FARSB: variants seen among roughly 807,000 people sequenced by gnomAD.
FARSB encodes phenylalanyl-tRNA synthetase subunit beta, also known as phenylalanine--tRNA ligase beta subunit.
In FARSB, 40 loss-of-function variants were observed where a neutral mutation model predicts 69.6. The ratio of observed to expected loss-of-function variants is 0.57; its 90% CI spans 0.45 to 0.75. The LOEUF (loss-of-function observed/expected upper bound fraction) is 0.75, where lower values mean the gene tolerates loss of function less well. FARSB is among the 30% of genes least tolerant of loss of function. The probability of loss-of-function intolerance (pLI) is 0.00; values close to 1 mark genes in which losing one functional copy is unlikely to be tolerated. For missense variants in FARSB, 632 were observed against 722.9 expected (o/e 0.87, Z 1.44); for synonymous variants, 235 against 247.2 (o/e 0.95, Z 0.46).
Position 222,569,042 on chromosome 2 carries a change from C to T in FARSB, c.*2829G>A, listed in dbSNP as rs1298494208. On this transcript the variant is annotated 3_prime_UTR_variant, in exon 17 of 17. Coordinates refer to ENST00000281828, the MANE Select transcript of FARSB (RefSeq NM_005687.5). Reference sequence around the variant, plus strand: ...CAGTACTCACAGACTGCCCTGGCTCCAGTTCAAATGCTTCACCAGGGACAA... The same window carrying T: ...CAGTACTCACAGACTGCCCTGGCTCTAGTTCAAATGCTTCACCAGGGACAA... The T allele has an allele frequency of 6.6e-6, 1 of 152,204 alleles. No homozygotes were observed. Among genetic ancestry groups the T allele is most frequent in the Admixed American group, 6.5e-5 (1 of 15,280 alleles). 9.4% of individuals were successfully genotyped at this position (152,204 alleles called of 1,614,324 possible).
At chr2:222,594,963 T>G (rs17499400) in intron 16 of FARSB, among the ~76,000 whole-genome samples, 5 of 152,024 alleles carry the variant, frequency 3.3e-5, no homozygotes, top group Admixed American at 6.6e-5. Flanking sequence ...TGTGTAGGAA[T>G]CACTGCTTAT....
In FARSB at chr2:222,603,024, C is replaced by G. The variant is rs1225264490; in HGVS notation, c.1463-2941G>C. On this transcript the variant is annotated intron_variant, in intron 15 of 16. Coordinates refer to ENST00000281828, the MANE Select transcript of FARSB (RefSeq NM_005687.5). ...AAAAAAAAATCATCTAAACCTGTAA[C>G]AAAACTCATTTTTAAAAAGAAGTAC... 2.6e-5 allele frequency among the ~76,000 whole-genome samples: 4 copies of G among 151,338 alleles called. No individual in the cohort carries two copies. In the South Asian group the frequency reaches 8.3e-4, roughly 32 times the overall value.
rs1689663656 is a variant in FARSB, at chr2:222,568,271, T to C, written c.*3600A>G. On this transcript the variant is annotated 3_prime_UTR_variant, in exon 17 of 17. Coordinates refer to ENST00000281828, the MANE Select transcript of FARSB (RefSeq NM_005687.5). The surrounding 1 kb of genome is among the most constrained non-coding windows in gnomAD (Gnocchi z 4.3). ...ATTGGACTTAACAATTTTTAACTTT[T>C]TGTCTCCCATTATTTTTATATTTTT... 2 of 152,208 alleles carry C rather than the reference T, an allele frequency of 1.3e-5. 1 individual carries two copies. The highest frequency in any genetic ancestry group is 1.3e-4 in the Admixed American group (2 of 15,282). The allele number at this position is 152,208 out of a possible 1,614,324, so 9.4% of individuals were successfully genotyped here.
At chr2:222,610,398 C>CA (rs1416756449) in intron 15 of FARSB, among the ~76,000 whole-genome samples, 1 of 151,372 alleles carries the variant, frequency 6.6e-6, no homozygotes, top group Non-Finnish European at 1.5e-5. Flanking sequence ...TTAATTCACT[C>CA]AAAAAAAGTA....
rs192434287 is a variant in FARSB, at chr2:222,630,311, G to A, written c.787-137C>T. 32 of 522,740 alleles carry A rather than the reference G, an allele frequency of 6.1e-5. 1 individual carries two copies. The African/African-American group carries it at 6.3e-4, about 10-fold the overall frequency. 32.4% of individuals were successfully genotyped at this position (522,740 alleles called of 1,614,324 possible). A position where few individuals can be genotyped will look rare whatever the true frequency, so the allele number is the denominator to read the frequency against. On this transcript the variant is annotated intron_variant, in intron 8 of 16. Coordinates refer to ENST00000281828, the MANE Select transcript of FARSB (RefSeq NM_005687.5). ...CGTATACATTTTAAGAAAGGAAGTG[G>A]AATAAAAACATGAGTAGGCCTAGCC...
intron 16 of FARSB, among the ~76,000 whole-genome samples, chr2:222,593,719 A>T (rs1690336918): frequency 6.6e-6 from 1 of 151,676 alleles, no homozygotes; most frequent in South Asian, 2.1e-4. Flanking sequence ...AACAAAACAA[A>T]AATTAGCCAG....
chr2:222,616,283 AAACTGT>A (rs1690992327), intron 14 of FARSB, among the ~76,000 whole-genome samples: 1 of 152,146 alleles, frequency 6.6e-6, no homozygotes, highest in African/African-American at 2.4e-5. Context: ...ATCCGAACTC[AAACTGT>A]TAAAAAAAAA....
chr2:222,603,729 A>C (rs1400609734), intron 15 of FARSB, among the ~76,000 whole-genome samples: 1 of 147,496 alleles, frequency 6.8e-6, no homozygotes, highest in Non-Finnish European at 1.5e-5. Flanking sequence ...TATAATATTA[A>C]TTATATATAT....
intron 9 of FARSB, 97 bp from the exon 10 acceptor site, chr2:222,628,985 C>G: frequency 1.2e-6 from 1 of 842,692 alleles, no homozygotes; most frequent in Non-Finnish European, 2.0e-6. Context: ...TGGGCTACAA[C>G]TACAGCCTCA....
At chr2:222,609,136 A>G (rs1690779041) in intron 15 of FARSB, among the ~76,000 whole-genome samples, 1 of 152,186 alleles carries the variant, frequency 6.6e-6, no homozygotes, top group African/African-American at 2.4e-5. Context: ...GAGAGATTCT[A>G]TCTATATACA....
At chr2:222,652,679 A>G (rs745679717) in intron 1 of FARSB, among the ~76,000 whole-genome samples, 3 of 152,232 alleles carry the variant, frequency 2.0e-5, no homozygotes, top group Admixed American at 6.5e-5. Flanking sequence ...CAGTTTCTCC[A>G]GACCCAGTTA....
At chr2:222,630,218 T>A in intron 8 of FARSB, 44 bp from the exon 9 acceptor site, 1 of 962,554 alleles carries the variant, frequency 1.0e-6, no homozygotes, top group Non-Finnish European at 1.6e-6. Context: ...ATAAATATAT[T>A]CTCTTCACTC....
intron 16 of FARSB, among the ~76,000 whole-genome samples, chr2:222,593,298 T>C (rs997283539): frequency 6.6e-6 from 1 of 152,120 alleles, no homozygotes; most frequent in Non-Finnish European, 1.5e-5. Flanking sequence ...AGTATTTAAT[T>C]CCTCTCATTG....
chr2:222,651,559 T>C (rs1574958619), intron 1 of FARSB, among the ~76,000 whole-genome samples: 1 of 152,316 alleles, frequency 6.6e-6, no homozygotes, highest in African/African-American at 2.4e-5. Flanking sequence ...AAGGGTGCTA[T>C]TAAAAATTAT....
chr2:222,596,114 C>G (rs1432547146), intron 16 of FARSB, among the ~76,000 whole-genome samples: 1 of 152,012 alleles, frequency 6.6e-6, no homozygotes, highest in Non-Finnish European at 1.5e-5. Flanking sequence ...TGCAAGGATG[C>G]TCAGCAAATA....
At chr2:222,600,256 T>C (rs1052233117) in intron 15 of FARSB, among the ~76,000 whole-genome samples, 173 bp from the exon 16 acceptor site, 3 of 152,166 alleles carry the variant, frequency 2.0e-5, no homozygotes, top group African/African-American at 7.2e-5. Context: ...TTTTTTCAGC[T>C]CATCAAATTC....
chr2:222,632,847 A>C (rs1169327796), intron 7 of FARSB, among the ~76,000 whole-genome samples: 1 of 151,860 alleles, frequency 6.6e-6, no homozygotes, highest in Non-Finnish European at 1.5e-5. Context: ...CAACAAAAAA[A>C]AAAAACAAAA....
chr2:222,640,568 G>A (rs901536378), intron 4 of FARSB, among the ~76,000 whole-genome samples: 1 of 151,908 alleles, frequency 6.6e-6, no homozygotes, highest in African/African-American at 2.4e-5. Context: ...ACCAGCCTGG[G>A]CAACATGGTG....
chr2:222,651,358 G>T (rs1692033589), intron 1 of FARSB, among the ~76,000 whole-genome samples: 1 of 152,150 alleles, frequency 6.6e-6, no homozygotes, highest in South Asian at 2.1e-4. Context: ...ACAAAAATGA[G>T]CCAGGATGTT....
Sources: allele counts gnomAD v4.1 joint callset (sites outside exome capture counted in the v4.1 genomes callset), GRCh38; gene constraint gnomAD v4.1.1; non-coding constraint Gnocchi (gnomAD v3.1); transcripts MANE v1.5; gene names NCBI Gene and HGNC (gene_info 2026-07-23, HGNC 2026-07-21).